The following DMD variants were observed in gnomAD, a reference collection of about 807,000 sequenced individuals.
DMD encodes dystrophin, also known as mutant dystrophin.
In DMD, 63 loss-of-function variants were observed where a neutral mutation model predicts 330.1. The observed-to-expected ratio is 0.19, with a 90% confidence interval of 0.16 to 0.24. DMD has a LOEUF of 0.24. Ranked by LOEUF, DMD falls within the 10% of genes least tolerant of loss-of-function variation. The pLI is 1.00. For missense variants in DMD, 3,344 were observed against 2,684.1 expected (o/e 1.25, Z -5.43); for synonymous variants, 1,223 against 959.8 (o/e 1.27, Z -5.07).
rs746660881 is a variant in DMD at position 31,670,529 on chromosome X, T to A, written c.7872+8846A>T. ...TGCGTAGCTGGGTAGACAAAACTCA[T>A]TGTCTCAGACTTCTGGAGGCTAGAT... On this transcript the variant is annotated intron_variant, in intron 53 of 78. Transcript: ENST00000357033. Among the ~76,000 whole-genome samples the A allele has an allele frequency of 2.7e-5, 3 of 112,161 alleles. No homozygotes were observed. In the Admixed American group the frequency reaches 2.8e-4, roughly 11 times the overall value.
At chrX:32,427,556 T>G (rs1413025443) in intron 29 of DMD, among the ~76,000 whole-genome samples, 1 of 110,813 alleles carries the variant, frequency 9.0e-6, no homozygotes, top group African/African-American at 3.3e-5. Context: ...GAACTTTTCC[T>G]TATTAATTTA....
rs1021768354 is a variant in DMD at position 31,371,880 on chromosome X, A to T, written c.9085-23246T>A. 1.8e-4 allele frequency among the ~76,000 whole-genome samples: 20 copies of T among 112,568 alleles called. No individual in the cohort carries two copies. The East Asian group carries it at 5.3e-3, about 30-fold the overall frequency. ...TACTGAAGTTGGACTGCCTGGTGTG[A>T]CTACCTCGTTTCTCAACTGAGAGCC... On this transcript the variant is annotated intron_variant, in intron 60 of 78. Coordinates refer to ENST00000357033, the MANE Select transcript of DMD (RefSeq NM_004006.3).
intron 44 of DMD, among the ~76,000 whole-genome samples, chrX:32,038,422 T>C (rs5972480): frequency 0.15 from 16,331 of 111,014 alleles, 1,271 homozygotes; most frequent in East Asian, 0.5. Flanking sequence ...TGGGAAATGG[T>C]ACCTTATGAA....
At chrX:31,604,791 A>G (rs1045768105) in intron 55 of DMD, among the ~76,000 whole-genome samples, 10 of 111,781 alleles carry the variant, frequency 8.9e-5, no homozygotes, top group Admixed American at 8.6e-4. Context: ...AGTGGTTATC[A>G]TCAAGTTTGG....
At chrX:32,553,229 T>C (rs949505677) in intron 16 of DMD, among the ~76,000 whole-genome samples, 1 of 111,929 alleles carries the variant, frequency 8.9e-6, no homozygotes, top group Non-Finnish European at 1.9e-5. Context: ...TGGAATTCTA[T>C]GCAGCCATGA....
At position 32,400,998 on chromosome X, in the gene DMD, G is replaced by A. The variant is rs1456792832; in HGVS notation, c.4233+10754C>T. Among the ~76,000 whole-genome samples, 6 of 110,792 alleles carry A rather than the reference G, an allele frequency of 5.4e-5. No homozygotes were observed. The East Asian group carries it at 1.7e-3, about 32-fold the overall frequency. ...CATATACACCTTGGAATACTATGCA[G>A]CCATAAAAAAGGATGAGTTCATGTC... is the stretch of plus-strand genomic sequence containing the variant. On this transcript the variant is annotated intron_variant, in intron 30 of 78. Transcript: ENST00000357033.
intron 43 of DMD, among the ~76,000 whole-genome samples, chrX:32,256,849 C>T (rs893190959): frequency 8.9e-6 from 1 of 111,743 alleles, no homozygotes; most frequent in Non-Finnish European, 1.9e-5. Context: ...CACCCACTCT[C>T]TTCTAGCTTG....
At chrX:32,650,014 T>C (rs748397407) in intron 9 of DMD, among the ~76,000 whole-genome samples, 5 of 111,121 alleles carry the variant, frequency 4.5e-5, no homozygotes, top group East Asian at 2.8e-4. Flanking sequence ...TAAATGATTT[T>C]TATGGGGAAA....
chrX:31,659,892 G>A (rs1253225051), intron 53 of DMD, among the ~76,000 whole-genome samples: 1 of 111,052 alleles, frequency 9.0e-6, no homozygotes, highest in African/African-American at 3.3e-5. Flanking sequence ...TGCTTCTGAG[G>A]AGAAAAATCA....
intron 24 of DMD, among the ~76,000 whole-genome samples, chrX:32,464,270 G>C (rs976199907): frequency 9.0e-6 from 1 of 111,243 alleles, no homozygotes; most frequent in African/African-American, 3.3e-5. Context: ...TGTTTTGTCA[G>C]TTCCTCATTT....
chrX:31,214,345 T>A (rs2148633597), intron 64 of DMD, among the ~76,000 whole-genome samples: 1 of 112,430 alleles, frequency 8.9e-6, no homozygotes, highest in Non-Finnish European at 1.9e-5. Context: ...ACTATGGCTA[T>A]TAGTTGGTAC....
At chrX:32,486,781 G>A (rs1236648043) in intron 20 of DMD, among the ~76,000 whole-genome samples, 1 of 105,994 alleles carries the variant, frequency 9.4e-6, no homozygotes, top group Non-Finnish European at 2.0e-5. Flanking sequence ...ATGGTGCTGG[G>A]AAAACTGGCT....
chrX:31,230,572 C>T (rs2047095062), intron 63 of DMD, among the ~76,000 whole-genome samples: 1 of 109,829 alleles, frequency 9.1e-6, no homozygotes, highest in South Asian at 4.0e-4. Flanking sequence ...TTGCTTGAAC[C>T]CAGGAGGTGG....
intron 1 of DMD, among the ~76,000 whole-genome samples, chrX:33,231,638 C>T (rs1367090452): frequency 2.7e-5 from 3 of 111,233 alleles, no homozygotes; most frequent in Non-Finnish European, 5.7e-5. Flanking sequence ...AAGGGGCTAT[C>T]GAGGCACCTA....
chrX:32,010,993 T>C (rs777473218), intron 44 of DMD, among the ~76,000 whole-genome samples: 2 of 112,354 alleles, frequency 1.8e-5, no homozygotes, highest in South Asian at 3.7e-4. Flanking sequence ...CCAAGAAATG[T>C]AGTGAATAGA....
chrX:31,855,129 A>T, intron 48 of DMD, among the ~76,000 whole-genome samples: 1 of 111,643 alleles, frequency 9.0e-6, no homozygotes, highest in Non-Finnish European at 1.9e-5. Context: ...ATGTAATGTC[A>T]TCTGTTCATA....
At chrX:32,231,384 T>C (rs765862900) in intron 43 of DMD, among the ~76,000 whole-genome samples, 8 of 111,975 alleles carry the variant, frequency 7.1e-5, no homozygotes, top group African/African-American at 2.6e-4. Context: ...TATGACATTT[T>C]TCTTCTTAGG....
At chrX:31,242,262 C>CA (rs72176984) in intron 63 of DMD, among the ~76,000 whole-genome samples, 9,360 of 24,360 alleles carry the variant, frequency 0.38, 2,704 homozygotes, top group East Asian at 0.63. Flanking sequence ...TCTCAAAAAG[C>CA]AAAAAAAAAA....
At chrX:31,242,051 G>C (rs536442287) in intron 63 of DMD, among the ~76,000 whole-genome samples, 1 of 109,334 alleles carries the variant, frequency 9.1e-6, no homozygotes, top group African/African-American at 3.3e-5. Flanking sequence ...GAGCTCAAGA[G>C]TTGAGAACAG....
Sources: allele counts gnomAD v4.1 joint callset (sites outside exome capture counted in the v4.1 genomes callset), GRCh38; gene constraint gnomAD v4.1.1; transcripts MANE v1.5; gene names NCBI Gene and HGNC (gene_info 2026-07-23, HGNC 2026-07-21).